The following RBFOX1 variants were observed in gnomAD, a reference collection of about 807,000 sequenced individuals.
RBFOX1 encodes RNA binding fox-1 homolog 1.
RBFOX1 carries 8 observed loss-of-function variants against 57.7 expected under a neutral mutation model. The ratio of observed to expected loss-of-function variants is 0.14; its 90% CI spans 0.08 to 0.25. RBFOX1 has a LOEUF of 0.25. Ranked by LOEUF, RBFOX1 falls within the 10% of genes least tolerant of loss-of-function variation. The pLI is 1.00. For synonymous variants in RBFOX1, 326 were observed against 222.4 expected, an observed-to-expected ratio of 1.47 and a Z score of -4.15; for missense variants, 611 against 548.5, an observed-to-expected ratio of 1.11 and a Z score of -1.14.
At position 5,372,037 on chromosome 16, in the gene RBFOX1, G is replaced by T. The variant is rs116467877; in HGVS notation, c.220-95179G>T. On this transcript the variant is annotated intron_variant, in intron 1 of 2. Coordinates refer to the RBFOX1 transcript ENST00000585867. ...CCTCTTTTAAGATGCTCATGATTTT[G>T]TGAGAGCAAAAGGACTGGAGATGTC... Among the ~76,000 whole-genome samples, 1,220 of 152,284 alleles carry T rather than the reference G, an allele frequency of 8.0e-3. 15 individuals are homozygous for T. Among genetic ancestry groups the T allele is most frequent in the African/African-American group, 0.028 (1,159 of 41,542 alleles).
At chr16:6,693,158 A>G (rs1175070437) in intron 3 of RBFOX1, among the ~76,000 whole-genome samples, 4 of 151,474 alleles carry the variant, frequency 2.6e-5, no homozygotes, top group Admixed American at 1.3e-4. Context: ...CTCCACTAGC[A>G]TCACCACCAT....
chr16:7,099,792 G>A (rs2062358036), intron 4 of RBFOX1, among the ~76,000 whole-genome samples: 1 of 152,164 alleles, frequency 6.6e-6, no homozygotes, highest in Non-Finnish European at 1.5e-5. Context: ...GGTTCGTAGA[G>A]TTACCGGGAG....
intron 4 of RBFOX1, among the ~76,000 whole-genome samples, chr16:7,240,742 T>G (rs1664017275): frequency 6.6e-6 from 1 of 152,076 alleles, no homozygotes. Context: ...TTTGTTTGTT[T>G]GTTTGTTTGT....
At position 6,922,425 on chromosome 16, in the gene RBFOX1, G is replaced by T. The variant is rs80249148; in HGVS notation, c.-15-129632G>T. On this transcript the variant is annotated intron_variant, in intron 3 of 15. Coordinates refer to ENST00000550418, the MANE Select transcript of RBFOX1 (RefSeq NM_018723.4). The stretch of plus-strand genomic sequence containing the variant: ...TGGCTGCTGGTTTTTGCTCTCTGCA[G>T]TGAGCACTTCCAGGCTGTCTTGCCT... 4.8e-3 allele frequency among the ~76,000 whole-genome samples: 729 copies of T among 152,340 alleles called. 13 individuals carry two copies. Among genetic ancestry groups the T allele is most frequent in the African/African-American group, 0.017 (697 of 41,582 alleles).
intron 4 of RBFOX1, among the ~76,000 whole-genome samples, chr16:7,356,932 T>C (rs543099023): frequency 6.6e-6 from 1 of 152,288 alleles, no homozygotes; most frequent in African/African-American, 2.4e-5. Flanking sequence ...GGAAAGAAGA[T>C]TGAGATCAAG....
intron 3 of RBFOX1, among the ~76,000 whole-genome samples, chr16:5,707,481 G>A (rs925230998): frequency 1.3e-5 from 2 of 152,190 alleles, no homozygotes; most frequent in Non-Finnish European, 2.9e-5. Flanking sequence ...CACTAAAGAT[G>A]CCAGGTCCTA....
chr16:7,345,477 C>T (rs969919647), intron 4 of RBFOX1, among the ~76,000 whole-genome samples: 7 of 152,198 alleles, frequency 4.6e-5, no homozygotes, highest in Admixed American at 3.9e-4. Flanking sequence ...TTTTGTTTCA[C>T]ACCTGGTGTT....
At chr16:6,282,685 C>T (rs1459248205) in intron 1 of RBFOX1, among the ~76,000 whole-genome samples, 2 of 152,052 alleles carry the variant, frequency 1.3e-5, no homozygotes, top group Non-Finnish European at 2.9e-5. Context: ...TGGTTTCCAG[C>T]TTCATCCATG....
chr16:7,341,490 G>A (rs991167156), intron 4 of RBFOX1, among the ~76,000 whole-genome samples: 2 of 152,144 alleles, frequency 1.3e-5, no homozygotes, highest in African/African-American at 4.8e-5. Context: ...GCCATTCGCA[G>A]TAGAGTCAGA....
At chr16:7,588,985 A>T (rs2094290363) in intron 7 of RBFOX1, among the ~76,000 whole-genome samples, 2 of 152,190 alleles carry the variant, frequency 1.3e-5, no homozygotes, top group African/African-American at 2.4e-5. Context: ...GGACCTTGTC[A>T]TTTTTCCATA....
intron 3 of RBFOX1, among the ~76,000 whole-genome samples, chr16:6,889,283 C>T (rs892114543): frequency 6.6e-6 from 1 of 152,162 alleles, no homozygotes; most frequent in East Asian, 1.9e-4. Context: ...TTGCTTTGAC[C>T]AGTGAACTGT....
rs546599184 is a variant in RBFOX1 at position 6,021,970 on chromosome 16, G to A, written c.-127+1978G>A. 2.5e-4 allele frequency among the ~76,000 whole-genome samples: 38 copies of A among 152,202 alleles called. 1 individual carries two copies. The South Asian group carries it at 3.5e-3, about 14-fold the overall frequency. On this transcript the variant is annotated intron_variant, in intron 1 of 15. Transcript: ENST00000550418. ...TCTAATTTTTGAGCCTTGTAGCACC[G>A]AGTGGTACAGGAAAGGCAGGTGGCT...
intron 3 of RBFOX1, among the ~76,000 whole-genome samples, chr16:5,763,824 T>C (rs2053674470): frequency 6.6e-6 from 1 of 152,206 alleles, no homozygotes; most frequent in Non-Finnish European, 1.5e-5. Context: ...CCTTCTGAGC[T>C]TACACTCCTC....
chr16:7,691,750 G>C (rs914466305), intron 14 of RBFOX1, among the ~76,000 whole-genome samples: 1 of 152,114 alleles, frequency 6.6e-6, no homozygotes, highest in Admixed American at 6.6e-5. Flanking sequence ...ATTGCAGAAA[G>C]GGAACACAAG....
chr16:6,129,418 C>G (rs1467804722), intron 1 of RBFOX1, among the ~76,000 whole-genome samples: 1 of 151,824 alleles, frequency 6.6e-6, no homozygotes, highest in Non-Finnish European at 1.5e-5. Context: ...AGATTGAAGA[C>G]TATAGAAGAA....
chr16:5,742,280 C>G (rs928058439), intron 3 of RBFOX1, among the ~76,000 whole-genome samples: 2 of 147,626 alleles, frequency 1.4e-5, no homozygotes, highest in Admixed American at 6.7e-5. Context: ...TTCTTCCTCC[C>G]TCCCTCCCTT....
chr16:7,124,060 C>T (rs913499101), intron 4 of RBFOX1, among the ~76,000 whole-genome samples: 3 of 152,130 alleles, frequency 2.0e-5, no homozygotes, highest in Admixed American at 6.5e-5. Context: ...AAATATTACA[C>T]ATATATTACA....
chr16:5,591,360 T>C (rs2047000556), intron 2 of RBFOX1, among the ~76,000 whole-genome samples: 2 of 151,972 alleles, frequency 1.3e-5, no homozygotes, highest in African/African-American at 2.4e-5. Flanking sequence ...CAAGTGATTC[T>C]CCTGCCTCAG....
chr16:5,997,577 C>G (rs1253767040), intron 4 of RBFOX1, among the ~76,000 whole-genome samples: 1 of 152,204 alleles, frequency 6.6e-6, no homozygotes, highest in Non-Finnish European at 1.5e-5. Context: ...ATCACCAAAT[C>G]TCTAGAGCGA....
Sources: allele counts gnomAD v4.1 joint callset (sites outside exome capture counted in the v4.1 genomes callset), GRCh38; gene constraint gnomAD v4.1.1; transcripts MANE v1.5; gene names NCBI Gene and HGNC (gene_info 2026-07-23, HGNC 2026-07-21).